The following DISP1 variants were observed in gnomAD, a reference collection of about 807,000 sequenced individuals.
DISP1 encodes dispatched RND transporter family member 1.
DISP1 carries 30 observed loss-of-function variants against 37.3 expected under a neutral mutation model. The observed-to-expected ratio is 0.80, with a 90% CI of 0.60 to 1.09. DISP1 has a LOEUF of 1.09. Among genes scored for constraint, DISP1 ranks in the 50% least tolerant of loss-of-function variants. DISP1 has a pLI of 0.00. For synonymous variants in DISP1, 634 were observed against 690.2 expected, an observed-to-expected ratio of 0.92 and a Z score of 1.28; for missense variants, 1,598 against 1,879.5, an observed-to-expected ratio of 0.85 and a Z score of 2.77.
intron 3 of DISP1, among the ~76,000 whole-genome samples, chr1:222,950,445 A>G (rs1006463764): frequency 6.6e-6 from 1 of 152,062 alleles, no homozygotes; most frequent in Non-Finnish European, 1.5e-5. Context: ...CTAAAAATAC[A>G]AAAAATTAGC....
chr1:222,832,417 A>C (rs1382911124), intron 1 of DISP1, among the ~76,000 whole-genome samples: 3 of 152,172 alleles, frequency 2.0e-5, no homozygotes, highest in Non-Finnish European at 4.4e-5. Flanking sequence ...AGGTCTAAGA[A>C]ATTTTTATAA....
chr1:222,866,177 G>C (rs1224570802), intron 1 of DISP1, among the ~76,000 whole-genome samples: 1 of 152,108 alleles, frequency 6.6e-6, no homozygotes, highest in Admixed American at 6.6e-5. Flanking sequence ...CAGTTCTTTT[G>C]GATGGAGCAA....
chr1:222,979,009 T>C (rs1406723405), intron 3 of DISP1, among the ~76,000 whole-genome samples: 1 of 152,018 alleles, frequency 6.6e-6, no homozygotes, highest in Non-Finnish European at 1.5e-5. Flanking sequence ...TGCAGGCTCT[T>C]TTTTGGTTCC....
chr1:222,868,061 A>T (rs1396817073), intron 1 of DISP1, among the ~76,000 whole-genome samples: 1 of 152,160 alleles, frequency 6.6e-6, no homozygotes, highest in Non-Finnish European at 1.5e-5. Flanking sequence ...TTATGTCTAT[A>T]CTGTGTAATT....
chr1:222,859,317 A>C (rs960282325), intron 1 of DISP1, among the ~76,000 whole-genome samples: 4 of 152,170 alleles, frequency 2.6e-5, no homozygotes, highest in Admixed American at 1.3e-4. Flanking sequence ...AACAGCACAC[A>C]TTGGGGCCTG....
At chr1:222,909,045 T>C (rs1035227624) in intron 1 of DISP1, among the ~76,000 whole-genome samples, 2 of 152,186 alleles carry the variant, frequency 1.3e-5, no homozygotes, top group Non-Finnish European at 2.9e-5. Context: ...TGATGTGGGC[T>C]GCATGGGTCA....
chr1:222,929,264 T>TG (rs1394573134), intron 2 of DISP1, among the ~76,000 whole-genome samples: 1 of 152,184 alleles, frequency 6.6e-6, no homozygotes, highest in Non-Finnish European at 1.5e-5. Flanking sequence ...AAAATATATT[T>TG]GCTGTATTCA....
intron 3 of DISP1, among the ~76,000 whole-genome samples, chr1:222,967,080 T>G (rs1676551379): frequency 6.6e-6 from 1 of 152,074 alleles, no homozygotes; most frequent in Non-Finnish European, 1.5e-5. Flanking sequence ...CACCTCACCA[T>G]CTTCAAAATG....
chr1:222,944,075 C>T (rs1306571991), intron 3 of DISP1, among the ~76,000 whole-genome samples: 2 of 152,072 alleles, frequency 1.3e-5, no homozygotes, highest in Admixed American at 6.6e-5. Context: ...CACCTTGCCT[C>T]CTCATGCTGC....
At chr1:222,914,186 G>A (rs1007028449) in intron 1 of DISP1, among the ~76,000 whole-genome samples, 1 of 151,888 alleles carries the variant, frequency 6.6e-6, no homozygotes, top group Non-Finnish European at 1.5e-5. Context: ...AACTCCTTTA[G>A]GGAGACTTAT....
intron 1 of DISP1, among the ~76,000 whole-genome samples, chr1:222,920,525 A>G (rs547387246): frequency 7.2e-5 from 11 of 152,324 alleles, no homozygotes; most frequent in African/African-American, 2.4e-4. Flanking sequence ...CCTCTAAAAC[A>G]TAACACTATA....
In DISP1 at chr1:222,990,602, C is replaced by T. The variant is rs146219693; in HGVS notation, c.540-23C>T. ...TCTGTAGTTATGCAGCTCTGATAGC[C>T]GACACTTCTTTGTGTTTTGTAGTTA... is the stretch of plus-strand genomic sequence containing the variant. On this transcript the variant is annotated intron_variant, in intron 4 of 8. Coordinates refer to ENST00000675850, the MANE Select transcript of DISP1 (RefSeq NM_001377229.1). 192 of 1,613,560 alleles carry T rather than the reference C, an allele frequency of 1.2e-4. 3 individuals are homozygous for T. In the South Asian group the frequency reaches 1.7e-3, roughly 14 times the overall value.
At chr1:222,990,047 C>A (rs1678581137) in intron 4 of DISP1, among the ~76,000 whole-genome samples, 1 of 152,132 alleles carries the variant, frequency 6.6e-6, no homozygotes, top group Non-Finnish European at 1.5e-5. Context: ...TGTGATCCAC[C>A]CGCCTCAGCC....
At chr1:222,960,914 A>G (rs1676010387) in intron 3 of DISP1, among the ~76,000 whole-genome samples, 1 of 152,190 alleles carries the variant, frequency 6.6e-6, no homozygotes, top group Non-Finnish European at 1.5e-5. Flanking sequence ...AGACTCAACC[A>G]GGAAGAAGTT....
chr1:222,983,064 C>CTTT lies in DISP1; in HGVS notation c.510-6_510-4dup. 14 of 1,164,876 alleles carry CTTT rather than the reference C, an allele frequency of 1.2e-5. No homozygotes were observed. Among genetic ancestry groups the CTTT allele is most frequent in the Middle Eastern group, 2.2e-4 (1 of 4,490 alleles). 72.2% of individuals were successfully genotyped at this position (1,164,876 alleles called of 1,614,324 possible). On this transcript the variant is annotated splice_polypyrimidine_tract_variant and intron_variant, in intron 3 of 8. Coordinates refer to ENST00000675850, the MANE Select transcript of DISP1 (RefSeq NM_001377229.1). ...TCTGTTTTTGATCATTTTTCCTTTG[C>CTTT]TTTTTTTTTTTTCAGACCATCCAGA...
intron 3 of DISP1, among the ~76,000 whole-genome samples, chr1:222,981,615 G>A (rs1677844178): frequency 6.6e-6 from 1 of 152,202 alleles, no homozygotes; most frequent in Admixed American, 6.5e-5. Context: ...TTCTTTTTAA[G>A]AGTGGGTACA....
intron 1 of DISP1, among the ~76,000 whole-genome samples, chr1:222,922,829 C>T (rs555272888): frequency 5.3e-4 from 80 of 152,118 alleles, no homozygotes; most frequent in African/African-American, 1.8e-3. Flanking sequence ...TTAAGAAGAT[C>T]TGCCAAGAAA....
chr1:222,947,304 G>C (rs1219587152), intron 3 of DISP1, among the ~76,000 whole-genome samples: 2 of 151,988 alleles, frequency 1.3e-5, no homozygotes, highest in African/African-American at 4.8e-5. Context: ...TCCACATAAT[G>C]TCTTCAAGGG....
rs1679792048 is a variant in DISP1, at chr1:223,005,098, C to G, written c.3701C>G (p.Ala1234Gly). 6.2e-7 allele frequency: 1 copy of G among 1,614,208 alleles called. No homozygotes were observed. The highest frequency in any genetic ancestry group is 8.5e-7 in the Non-Finnish European group (1 of 1,180,040). Reference sequence around the variant, plus strand: ...AATTTAGGGATGCCTGTGCATGCAGCTTACAACAGTGAACTCAGCAAAAGC... The same window carrying G: ...AATTTAGGGATGCCTGTGCATGCAGGTTACAACAGTGAACTCAGCAAAAGC... The part of the protein sequence containing the change: ...AKNLGMPVHA[A>G]YNSELSKSTE... The change falls in exon 9 of 9, where the codon GCT becomes GGT. Residue 1234 changes from alanine to glycine, a missense_variant. Ala to Gly is a moderately conservative substitution (Grantham distance 60). Coordinates refer to ENST00000675850, the MANE Select transcript of DISP1 (RefSeq NM_001377229.1).
Sources: allele counts gnomAD v4.1 joint callset (sites outside exome capture counted in the v4.1 genomes callset), GRCh38; gene constraint gnomAD v4.1.1; transcripts MANE v1.5; gene names NCBI Gene and HGNC (gene_info 2026-07-23, HGNC 2026-07-21).